CNKSR2: variants seen among roughly 807,000 people sequenced by gnomAD.
CNKSR2 encodes CNK homolog protein 2.
A neutral mutation model predicts 84.4 loss-of-function variants in CNKSR2; 14 were observed. The observed-to-expected ratio is 0.17, with a 90% confidence interval of 0.11 to 0.26. The LOEUF (loss-of-function observed/expected upper bound fraction) is 0.26. Ranked by LOEUF, CNKSR2 falls within the 10% of genes least tolerant of loss-of-function variation. The probability of loss-of-function intolerance (pLI) is 1.00; values close to 1 mark genes in which losing one functional copy is unlikely to be tolerated. For missense variants in CNKSR2, 485 were observed against 771.2 expected, an observed-to-expected ratio of 0.63 and a Z score of 4.40; for synonymous variants, 275 against 277.9, an observed-to-expected ratio of 0.99 and a Z score of 0.10.
At chrX:21,562,178 T>C (rs1021506625) in intron 12 of CNKSR2, among the ~76,000 whole-genome samples, 5 of 111,207 alleles carry the variant, frequency 4.5e-5, no homozygotes, top group Non-Finnish European at 7.6e-5. Context: ...AGAGAGCAAC[T>C]GAAAGTTTCC....
chrX:21,616,360 T>C (rs1440335783), intron 20 of CNKSR2, among the ~76,000 whole-genome samples: 1 of 111,743 alleles, frequency 8.9e-6, no homozygotes, highest in African/African-American at 3.2e-5. Flanking sequence ...AATGAATGAG[T>C]GAATGAATGA....
intron 1 of CNKSR2, among the ~76,000 whole-genome samples, chrX:21,375,551 G>A (rs1314570202): frequency 8.9e-6 from 1 of 112,205 alleles, no homozygotes; most frequent in Admixed American, 9.3e-5. Context: ...GCTACTTTGA[G>A]GGTGAGGACA....
In CNKSR2 at chrX:21,595,157, C is replaced by T. The variant is rs977121450; in HGVS notation, c.1904+110C>T. 8.7e-6 allele frequency: 6 copies of T among 692,520 alleles called. No individual in the cohort carries two copies. The Admixed American group carries it at 1.3e-4, about 15-fold the overall frequency. The allele number at this position is 692,520 out of a possible 1,213,427, so 57.1% of individuals were successfully genotyped here. Reference sequence around the variant, plus strand: ...CTTTCACATTGAGGTAATAAGAAAGCAGTTTTGTGGGCAGAAAATTGAACT... The same window carrying T: ...CTTTCACATTGAGGTAATAAGAAAGTAGTTTTGTGGGCAGAAAATTGAACT... On this transcript the variant is annotated intron_variant, in intron 16 of 21. Coordinates refer to ENST00000379510, the MANE Select transcript of CNKSR2 (RefSeq NM_014927.5).
rs2092727856 is a variant in CNKSR2 at position 21,654,290 on chromosome X, AAAAAC to A, written c.*1774_*1778del. ...GTATATGTAAAAAAAAAAAAAAAAA[AAAAAC>A]AAAAAACCTCTTGTCCTAAAATGAA... On this transcript the variant is annotated 3_prime_UTR_variant, in exon 22 of 22. Coordinates refer to ENST00000379510, the MANE Select transcript of CNKSR2 (RefSeq NM_014927.5). 9.3e-6 allele frequency: 1 copy of A among 107,038 alleles called. No individual in the cohort carries two copies. Among genetic ancestry groups the A allele is most frequent in the Non-Finnish European group, 1.9e-5 (1 of 51,805 alleles). The allele number at this position is 107,038 out of a possible 1,213,427, so 8.8% of individuals were successfully genotyped here. A position where few individuals can be genotyped will look rare whatever the true frequency, so the allele number is the denominator to read the frequency against.
At chrX:21,631,482 T>C (rs1161986977) in intron 20 of CNKSR2, among the ~76,000 whole-genome samples, 1 of 112,284 alleles carries the variant, frequency 8.9e-6, no homozygotes, top group Non-Finnish European at 1.9e-5. Context: ...TGCCTATTTA[T>C]TTATCTATCA....
chrX:21,420,618 G>A (rs1215456131), intron 1 of CNKSR2, among the ~76,000 whole-genome samples: 1 of 110,587 alleles, frequency 9.0e-6, no homozygotes, highest in Non-Finnish European at 1.9e-5. Context: ...CAGTTAGCTG[G>A]TGATGAATGG....
intron 5 of CNKSR2, among the ~76,000 whole-genome samples, chrX:21,485,284 T>G (rs1018744831): frequency 3.6e-5 from 4 of 112,013 alleles, no homozygotes; most frequent in Non-Finnish European, 7.5e-5. Context: ...TCAGACATAA[T>G]GAAAGAATGC....
chrX:21,637,321 A>G (rs944969010), intron 20 of CNKSR2: 1 of 111,749 alleles, frequency 8.9e-6, no homozygotes. Flanking sequence ...AATTATCTGG[A>G]AACAGTATTT....
intron 17 of CNKSR2, among the ~76,000 whole-genome samples, chrX:21,599,350 G>GTT (rs2092468260): frequency 9.7e-6 from 1 of 103,514 alleles, no homozygotes; most frequent in Admixed American, 1.0e-4. Flanking sequence ...GTGTGTGTGT[G>GTT]TGTGTGTGTG....
intron 11 of CNKSR2, among the ~76,000 whole-genome samples, chrX:21,561,262 A>G (rs111531163): frequency 0.013 from 1,412 of 110,798 alleles, 10 homozygotes; most frequent in Middle Eastern, 0.028. Flanking sequence ...TATTATTTAT[A>G]AAAAGTACCT....
At chrX:21,461,138 A>G (rs929904287) in intron 4 of CNKSR2, among the ~76,000 whole-genome samples, 2 of 112,390 alleles carry the variant, frequency 1.8e-5, no homozygotes, top group South Asian at 3.6e-4. Flanking sequence ...GTACTAATAT[A>G]CATTCCCACC....
At chrX:21,540,629 T>C (rs772344873) in intron 11 of CNKSR2, among the ~76,000 whole-genome samples, 50 of 112,264 alleles carry the variant, frequency 4.5e-4, no homozygotes, top group African/African-American at 1.5e-3. Flanking sequence ...TAAAATGCAC[T>C]ATGTAAGTCT....
At chrX:21,474,642 C>T (rs1326933265) in intron 5 of CNKSR2, among the ~76,000 whole-genome samples, 1 of 111,744 alleles carries the variant, frequency 8.9e-6, no homozygotes, top group Non-Finnish European at 1.9e-5. Context: ...AAGCAGATTG[C>T]CACAGCAGTA....
At chrX:21,595,431 G>A (rs760331425) in intron 17 of CNKSR2, 36 bp downstream of exon 17, 1 of 832,798 alleles carries the variant, frequency 1.2e-6, no homozygotes, top group Non-Finnish European at 1.7e-6. Context: ...GGTCAGTGAG[G>A]CCTAGAATTC....
intron 4 of CNKSR2, among the ~76,000 whole-genome samples, chrX:21,443,114 A>G (rs754289996): frequency 2.7e-5 from 3 of 110,954 alleles, no homozygotes; most frequent in Non-Finnish European, 3.8e-5. Flanking sequence ...TACTTATATA[A>G]CAAACCTGCA....
At chrX:21,505,024 G>A in intron 8 of CNKSR2, 1 of 271,344 alleles carries the variant, frequency 3.7e-6, no homozygotes, top group Non-Finnish European at 6.5e-6. Flanking sequence ...GTTTGATGCA[G>A]CAACTCTGCC....
chrX:21,510,135 C>G (rs1433504646), intron 8 of CNKSR2, among the ~76,000 whole-genome samples: 1 of 111,235 alleles, frequency 9.0e-6, no homozygotes. Flanking sequence ...AGGCATACTT[C>G]TAGTCTATAA....
At chrX:21,439,878 C>T (rs761654208) in intron 3 of CNKSR2, among the ~76,000 whole-genome samples, 16 of 109,961 alleles carry the variant, frequency 1.5e-4, no homozygotes, top group East Asian at 1.1e-3. Context: ...CCATCTCTTC[C>T]GGAAAATAAA....
At chrX:21,565,251 C>T (rs2092228208) in intron 13 of CNKSR2, among the ~76,000 whole-genome samples, 2 of 111,600 alleles carry the variant, frequency 1.8e-5, no homozygotes, top group African/African-American at 6.5e-5. Context: ...TTCTGTCATG[C>T]ATATCCTGAC....
Sources: allele counts gnomAD v4.1 joint callset (sites outside exome capture counted in the v4.1 genomes callset), GRCh38; gene constraint gnomAD v4.1.1; transcripts MANE v1.5; gene names NCBI Gene and HGNC (gene_info 2026-07-23, HGNC 2026-07-21).